EP300: variants seen among roughly 807,000 people sequenced by gnomAD.
EP300 encodes the protein histone acetyltransferase p300.
In EP300, 31 loss-of-function variants were observed where a neutral mutation model predicts 264.0. The observed-to-expected ratio is 0.12, with a 90% CI of 0.09 to 0.16. The LOEUF (loss-of-function observed/expected upper bound fraction) is 0.16. EP300 is among the 10% of genes least tolerant of loss of function. EP300 has a pLI of 1.00. For synonymous variants in EP300, 1,340 were observed against 1,045.4 expected (o/e 1.28, Z -5.44); for missense variants, 2,766 against 3,052.9 (o/e 0.91, Z 2.21).
rs367685222 is a variant in EP300 at position 41,178,129 on chromosome 22, G to T, written c.6418G>T (p.Val2140Phe). ...MQNMNPMQAG[V>F]QRAGLPQQQP... The stretch of plus-strand genomic sequence containing the variant: ...GAACATGAATCCAATGCAGGCGGGC[G>T]TTCAGAGGGCTGGCCTGCCCCAGCA... The change falls in exon 31 of 31, where the codon GTT becomes TTT. Residue 2140 changes from valine (V) to phenylalanine (F), a missense_variant. Transcript: ENST00000263253. 2 of 1,614,140 alleles carry T rather than the reference G, an allele frequency of 1.2e-6. 1 individual carries two copies. Among genetic ancestry groups the T allele is most frequent in the South Asian group, 2.2e-5 (2 of 91,078 alleles).
chr22:41,168,460 A>G lies in EP300; in HGVS notation c.3886A>G (p.Thr1296Ala), dbSNP rs2059152538. The G allele has an allele frequency of 1.9e-6, 3 of 1,614,218 alleles. No homozygotes were observed. The highest frequency in any genetic ancestry group is 2.2e-5 in the East Asian group (1 of 44,890). ...TTTTACATTCCTAGGGTTGCCATCT[A>G]CCAGACTTGGCACCTTTCTAGAGAA... is the stretch of plus-strand genomic sequence containing the variant. ...NKFSAKRLPS[T>A]RLGTFLENRV... The change falls in exon 24 of 31, where the codon ACC becomes GCC. Residue 1296 changes from threonine (T) to alanine (A), a missense_variant. By Grantham distance (58) the Thr-to-Ala change is moderately conservative (BLOSUM62 0). Coordinates refer to ENST00000263253, the MANE Select transcript of EP300 (RefSeq NM_001429.4).
At position 41,135,825 on chromosome 22, in the gene EP300, T is replaced by C. The variant is rs758573292; in HGVS notation, c.1541T>C (p.Met514Thr). ...CATTTTGACTTAGGTGCTAGTCCTA[T>C]GGGAGTAAATGGAGGTGTAGGAGTT... ...RPMSNMSASP[M>T]GVNGGVGVQT... The change falls in exon 7 of 31, where the codon ATG becomes ACG. Residue 514 changes from methionine to threonine, a missense_variant. Met to Thr is a moderately conservative substitution (Grantham distance 81). Coordinates refer to ENST00000263253, the MANE Select transcript of EP300 (RefSeq NM_001429.4). The C allele has an allele frequency of 3.7e-6, 6 of 1,613,340 alleles. No homozygotes were observed. The South Asian group carries it at 6.6e-5, about 18-fold the overall frequency.
intron 29 of EP300, among the ~76,000 whole-genome samples, 180 bp downstream of exon 29, chr22:41,173,964 G>T (rs746317737): frequency 5.9e-5 from 9 of 152,046 alleles, no homozygotes; most frequent in Non-Finnish European, 1.3e-4. Context: ...TACAAAATTA[G>T]CTGGGCATGG....
At chr22:41,150,922 TC>T in intron 14 of EP300, among the ~76,000 whole-genome samples, 1 of 150,284 alleles carries the variant, frequency 6.7e-6, no homozygotes, top group Non-Finnish European at 1.5e-5. Flanking sequence ...GATTTATGAG[TC>T]CTTGTGGCCC....
At position 41,177,654 on chromosome 22, in the gene EP300, G is replaced by A. The variant is rs955056237; in HGVS notation, c.5943G>A (p.Glu1981=). The change falls in exon 31 of 31, where the codon GAG becomes GAA. Residue 1981 remains glutamate (E), a synonymous_variant. Transcript: ENST00000263253. The part of the protein sequence containing the change: ...PMTRGPSGHL[E]PGMGPTGMQQ... ...CCAGAGGTCCCAGTGGGCATTTGGA[G>A]CCAGGGATGGGACCGACAGGGATGC... 6.2e-7 allele frequency: 1 copy of A among 1,614,040 alleles called. No homozygotes were observed. Among genetic ancestry groups the A allele is most frequent in the African/African-American group, 1.3e-5 (1 of 75,010 alleles).
In EP300 at chr22:41,150,185, A is replaced by G; in HGVS notation, c.2804A>G (p.Gln935Arg). 1 of 1,607,732 alleles carries G rather than the reference A, an allele frequency of 6.2e-7. No individual in the cohort carries two copies. The highest frequency in any genetic ancestry group is 8.5e-7 in the Non-Finnish European group (1 of 1,178,994). The change falls in exon 14 of 31, where the codon CAG becomes CGG. Residue 935 changes from glutamine (Q) to arginine (R), a missense_variant. Gln to Arg is a conservative substitution (Grantham distance 43). Coordinates refer to ENST00000263253, the MANE Select transcript of EP300 (RefSeq NM_001429.4). ...CCAACAGCACCGCTGCTTCCTCCGC[A>G]GCCTGCAACTCCAGTAAGTAGAGAT... ...PTPTAPLLPP[Q>R]PATPLSQPAV...
chr22:41,137,599 G>T, intron 7 of EP300, 54 bp from the exon 8 acceptor site: 2 of 1,610,142 alleles, frequency 1.2e-6, no homozygotes, highest in South Asian at 2.2e-5. Context: ...TGAATTAAAT[G>T]AGGTCTTCTC....
chr22:41,140,746 C>T (rs534249512), intron 9 of EP300, among the ~76,000 whole-genome samples: 9 of 152,166 alleles, frequency 5.9e-5, no homozygotes, highest in Admixed American at 3.3e-4. Context: ...TGCAGTGATT[C>T]GGGATTGCGC....
At chr22:41,138,928 A>ATT (rs779565055) in intron 8 of EP300, among the ~76,000 whole-genome samples, 6 of 151,540 alleles carry the variant, frequency 4.0e-5, no homozygotes, top group African/African-American at 7.3e-5. Flanking sequence ...CTTGCTAATC[A>ATT]TTTAGGATTC....
intron 6 of EP300, among the ~76,000 whole-genome samples, chr22:41,133,169 A>T (rs1027011707): frequency 3.4e-5 from 1 of 29,180 alleles, no homozygotes; most frequent in Non-Finnish European, 7.0e-5. Context: ...CCCCACCCCC[A>T]CCCCGGAAAC....
chr22:41,124,838 A>G (rs1425073242), intron 2 of EP300, among the ~76,000 whole-genome samples: 1 of 151,340 alleles, frequency 6.6e-6, no homozygotes, highest in Non-Finnish European at 1.5e-5. Flanking sequence ...ATTTATGAAA[A>G]TAACTCTGTA....
rs749399504 is a variant in EP300 at position 41,162,713 on chromosome 22, C to T, written c.3672-10C>T. The T allele has an allele frequency of 6.2e-7, 1 of 1,606,826 alleles. No individual in the cohort carries two copies. Among genetic ancestry groups the T allele is most frequent in the South Asian group, 1.1e-5 (1 of 90,916 alleles). On this transcript the variant is annotated splice_polypyrimidine_tract_variant and intron_variant, in intron 20 of 30. Coordinates refer to ENST00000263253, the MANE Select transcript of EP300 (RefSeq NM_001429.4). The stretch of plus-strand genomic sequence containing the variant: ...CACTTTTTCTCATTGTGTCCCTTTT[C>T]TCTCCTTAGTACAATAAATAAAGAA...
chr22:41,097,456 C>CA lies in EP300; in HGVS notation c.94+4365dup, dbSNP rs879871450. The stretch of plus-strand genomic sequence containing the variant: ...CTCTCTCTTCTTTATTTAATAAAAA[C>CA]AAAAAAATGGAAACAGTTGAAAATT... On this transcript the variant is annotated intron_variant, in intron 1 of 30. Coordinates refer to ENST00000263253, the MANE Select transcript of EP300 (RefSeq NM_001429.4). Among the ~76,000 whole-genome samples, 261 of 151,756 alleles carry CA rather than the reference C, an allele frequency of 1.7e-3. 1 individual carries two copies. The highest frequency in any genetic ancestry group is 3.1e-3 in the Admixed American group (47 of 15,256).
Position 41,111,804 on chromosome 22 carries a change from G to T in EP300, c.95-5383G>T, listed in dbSNP as rs559791579. ...AACGCCTGCCTTGGCCTGCTAAAGTGCTGGGATTACAGGTGAGAACCACCA... is the reference window on the plus strand; with the variant it reads ...AACGCCTGCCTTGGCCTGCTAAAGTTCTGGGATTACAGGTGAGAACCACCA... On this transcript the variant is annotated intron_variant, in intron 1 of 30. Transcript: ENST00000263253. 4.6e-5 allele frequency among the ~76,000 whole-genome samples: 7 copies of T among 150,810 alleles called. No homozygotes were observed. The East Asian group carries it at 1.2e-3, about 25-fold the overall frequency.
At chr22:41,156,374 T>C (rs968227581) in intron 17 of EP300, among the ~76,000 whole-genome samples, 19 of 152,298 alleles carry the variant, frequency 1.2e-4, no homozygotes, top group African/African-American at 4.3e-4. Context: ...TAGCTTTGTT[T>C]TTAAAGTTGC....
chr22:41,146,761 T>A lies in EP300; in HGVS notation c.2076T>A (p.Ser692Arg), dbSNP rs1555909203. The A allele has an allele frequency of 6.2e-7, 1 of 1,614,194 alleles. No individual in the cohort carries two copies. The highest frequency in any genetic ancestry group is 1.7e-5 in the Admixed American group (1 of 60,022). Residue 692 changes from serine (S) to arginine (R), a missense_variant, in exon 11 of 31, where the codon AGT (serine) becomes AGA (arginine). By Grantham distance (110) the Ser-to-Arg change is moderately radical. Transcript: ENST00000263253. ...TAGATGGCCCTCTACCTGACCCAAG[T>A]ATGATCCGTGGCAGTGTGCCAAACC... ...MTSNGPLPDPSMIRGSVPNQM... is the reference protein window; with the variant it reads ...MTSNGPLPDPRMIRGSVPNQM...
At chr22:41,141,871 T>G (rs2058984574) in intron 10 of EP300, among the ~76,000 whole-genome samples, 1 of 152,078 alleles carries the variant, frequency 6.6e-6, no homozygotes, top group East Asian at 1.9e-4. Flanking sequence ...GAGACAGGGT[T>G]TTGCCATGTT....
At chr22:41,176,681 A>T in intron 30 of EP300, 92 bp from the exon 31 acceptor site, 1 of 1,612,482 alleles carries the variant, frequency 6.2e-7, no homozygotes, top group Non-Finnish European at 8.5e-7. Context: ...TTGTTCTACG[A>T]AAGGGGCTTT....
intron 8 of EP300, among the ~76,000 whole-genome samples, chr22:41,138,993 A>G (rs1242671326): frequency 6.6e-6 from 1 of 152,010 alleles, no homozygotes; most frequent in Non-Finnish European, 1.5e-5. Flanking sequence ...TCTGTCGCCC[A>G]GGCTGGAGTG....
Sources: allele counts gnomAD v4.1 joint callset (sites outside exome capture counted in the v4.1 genomes callset), GRCh38; gene constraint gnomAD v4.1.1; transcripts MANE v1.5; gene names NCBI Gene and HGNC (gene_info 2026-07-23, HGNC 2026-07-21).